Variants in TCERG1 observed in about 807,000 individuals in gnomAD.
TCERG1 encodes TATA box binding protein (TBP)-associated factor, RNA polymerase II, S, 150kD.
Under a neutral mutation model 144.7 loss-of-function variants are expected in TCERG1, and 37 were observed. That is an observed-to-expected ratio of 0.26 (90% CI 0.20 to 0.34). The LOEUF (loss-of-function observed/expected upper bound fraction) is 0.34. Among genes scored for constraint, TCERG1 ranks in the 10% least tolerant of loss-of-function variants. TCERG1 has a pLI of 1.00. For missense variants in TCERG1, 1,027 were observed against 1,380.7 expected (o/e 0.74, Z 4.06); for synonymous variants, 492 against 458.2 (o/e 1.07, Z -0.94).
At chr5:146,509,967 T>C (rs898634320) in intron 22 of TCERG1, 11 of 1,091,190 alleles carry the variant, frequency 1.0e-5, no homozygotes, top group African/African-American at 8.2e-5. Flanking sequence ...TTTTTAGATA[T>C]TTTGTCATTT....
intron 10 of TCERG1, 109 bp downstream of exon 10, chr5:146,478,762 AGCATTCG>A: frequency 1.1e-5 from 13 of 1,177,756 alleles, no homozygotes; most frequent in Middle Eastern, 2.9e-4. Context: ...GAATATAAGA[AGCATTCG>A]AAAAAAATAG....
chr5:146,474,382 G>A (rs1027675766), intron 9 of TCERG1, among the ~76,000 whole-genome samples: 1 of 152,182 alleles, frequency 6.6e-6, no homozygotes, highest in Non-Finnish European at 1.5e-5. Flanking sequence ...TGCTTCTTAT[G>A]TATGAGCAAA....
chr5:146,472,166 T>C (rs568153764), intron 9 of TCERG1, among the ~76,000 whole-genome samples: 1 of 152,358 alleles, frequency 6.6e-6, no homozygotes, highest in Non-Finnish European at 1.5e-5. Flanking sequence ...AAATTTGTTT[T>C]TGCATGTTTA....
intron 8 of TCERG1, among the ~76,000 whole-genome samples, 166 bp downstream of exon 8, chr5:146,470,914 T>G (rs555758429): frequency 1.3e-5 from 2 of 152,318 alleles, no homozygotes; most frequent in South Asian, 4.1e-4. Context: ...TTTGAAAGTG[T>G]CATTAAATTA....
rs767084557 is a variant in TCERG1 at position 146,498,662 on chromosome 5, A to C, written c.2409A>C (p.Glu803Asp). Residue 803 changes from glutamate to aspartate, a missense_variant, in exon 17 of 23, where the codon GAA becomes GAC. Physicochemically the swap from Glu to Asp is conservative, Grantham distance 45. Around this residue, in one of 6 missense-constraint regions of TCERG1, gnomAD observed 482 missense variants for 632.6 expected, o/e 0.76. Coordinates refer to ENST00000679501, the MANE Select transcript of TCERG1 (RefSeq NM_001382548.1). ...FVAAARKKEKEDSKTRGEKIK... is the reference protein window; with the variant it reads ...FVAAARKKEKDDSKTRGEKIK... ...CCGCTGCTAGGAAGAAAGAGAAAGA[A>C]GATTCGAAGACCAGAGGTGAGAAGG... The C allele has an allele frequency of 5.0e-6, 8 of 1,611,928 alleles. No individual in the cohort carries two copies. Among genetic ancestry groups the C allele is most frequent in the Middle Eastern group, 1.7e-4 (1 of 6,050 alleles).
chr5:146,463,740 T>C lies in TCERG1; in HGVS notation c.1082T>C (p.Val361Ala). 1 of 1,614,206 alleles carries C rather than the reference T, an allele frequency of 6.2e-7. No individual in the cohort carries two copies. Among genetic ancestry groups the C allele is most frequent in the South Asian group, 1.1e-5 (1 of 91,084 alleles). The change falls in exon 5 of 23, where the codon GTA (valine) becomes GCA (alanine). Residue 361 changes from valine (V) to alanine (A), a missense_variant. Physicochemically the swap from Val to Ala is moderately conservative, Grantham distance 64 (BLOSUM62 0). Transcript: ENST00000679501. ...PTTAIPAFPP[V>A]MVPPFRVPLP... ...ACAGCAATACCTGCTTTTCCACCAG[T>C]AATGGTACCTCCGTTTCGTGTTCCC...
chr5:146,491,868 A>C (rs569469823), intron 15 of TCERG1, among the ~76,000 whole-genome samples: 1 of 152,322 alleles, frequency 6.6e-6, no homozygotes, highest in East Asian at 1.9e-4. Context: ...GGGTATAAGC[A>C]TGGCTGTTCA....
chr5:146,463,029 C>T (rs1229828515), intron 4 of TCERG1, among the ~76,000 whole-genome samples: 1 of 152,140 alleles, frequency 6.6e-6, no homozygotes, highest in Non-Finnish European at 1.5e-5. Context: ...AGGGCATACT[C>T]CTTAGCCTTT....
At chr5:146,492,148 T>TA (rs1766487718) in intron 15 of TCERG1, among the ~76,000 whole-genome samples, 1 of 152,214 alleles carries the variant, frequency 6.6e-6, no homozygotes, top group South Asian at 2.1e-4. Context: ...ATCCTTAAAA[T>TA]ACTACTTATT....
At chr5:146,481,073 G>A in intron 12 of TCERG1, 77 bp from the exon 13 acceptor site, 1 of 655,108 alleles carries the variant, frequency 1.5e-6, no homozygotes, top group Non-Finnish European at 1.9e-6. Context: ...ATGTTCCTAC[G>A]ATGTTAAACT....
Position 146,503,448 on chromosome 5 carries a change from A to T in TCERG1, c.2507A>T (p.Asp836Val). ...DSQSRWSKVKDKVESDPRYKA... is the reference protein window; with the variant it reads ...DSQSRWSKVKVKVESDPRYKA... ...CAGTCTCGATGGAGCAAAGTAAAAG[A>T]CAAAGTAGAAAGTGATCCACGTTAC... Residue 836 changes from aspartate (D) to valine (V), a missense_variant, in exon 18 of 23, where the codon GAC becomes GTC. Coordinates refer to ENST00000679501, the MANE Select transcript of TCERG1 (RefSeq NM_001382548.1). 1 of 1,613,992 alleles carries T rather than the reference A, an allele frequency of 6.2e-7. No individual in the cohort carries two copies. Among genetic ancestry groups the T allele is most frequent in the Non-Finnish European group, 8.5e-7 (1 of 1,179,920 alleles).
chr5:146,468,478 A>G, intron 6 of TCERG1, 75 bp downstream of exon 6: 1 of 1,437,304 alleles, frequency 7.0e-7, no homozygotes. Context: ...TTATCCTTTT[A>G]TTTATTTTTT....
intron 18 of TCERG1, 131 bp from the exon 19 acceptor site, chr5:146,503,693 G>A (rs1460866106): frequency 7.5e-7 from 1 of 1,341,326 alleles, no homozygotes; most frequent in East Asian, 2.4e-5. Context: ...GGAGATGAGA[G>A]GTACACAGTG....
In TCERG1 at chr5:146,479,861, C is replaced by T. The variant is rs1475465392; in HGVS notation, c.1769C>T (p.Pro590Leu). The change falls in exon 11 of 23, where the codon CCA (proline) becomes CTA (leucine). Residue 590 changes from proline to leucine, a missense_variant. Pro to Leu is a moderately conservative substitution (Grantham distance 98). Coordinates refer to ENST00000679501, the MANE Select transcript of TCERG1 (RefSeq NM_001382548.1). ...GMEELKKLRH[P>L]TPTMLSIQKW... is the part of the protein sequence containing the mutation. Reference sequence around the variant, plus strand: ...TTTGAAATGTTTTTGCCAGGGCACCCAACTCCGACAATGCTGTCGATCCAA... The same window carrying T: ...TTTGAAATGTTTTTGCCAGGGCACCTAACTCCGACAATGCTGTCGATCCAA... The T allele has an allele frequency of 6.2e-7, 1 of 1,613,404 alleles. No homozygotes were observed. The highest frequency in any genetic ancestry group is 1.1e-5 in the South Asian group (1 of 91,028).
At chr5:146,464,954 T>C (rs1218915536) in intron 5 of TCERG1, among the ~76,000 whole-genome samples, 1 of 152,200 alleles carries the variant, frequency 6.6e-6, no homozygotes, top group Non-Finnish European at 1.5e-5. Context: ...GGTTTTTTTT[T>C]TAATTTGGAA....
chr5:146,501,439 A>G (rs1767439211), intron 17 of TCERG1, among the ~76,000 whole-genome samples: 2 of 152,266 alleles, frequency 1.3e-5, no homozygotes, highest in Non-Finnish European at 2.9e-5. Context: ...ACTTGTTTAT[A>G]CATCACACAT....
intron 2 of TCERG1, 99 bp downstream of exon 2, chr5:146,455,380 T>G: frequency 7.5e-7 from 1 of 1,331,148 alleles, no homozygotes; most frequent in Non-Finnish European, 1.0e-6. Flanking sequence ...AGTTTCAGTT[T>G]ATAGGAAAAT....
At chr5:146,485,819 C>T (rs1384190018) in intron 15 of TCERG1, among the ~76,000 whole-genome samples, 2 of 152,202 alleles carry the variant, frequency 1.3e-5, no homozygotes, top group South Asian at 4.1e-4. Context: ...CTTAGCCTCC[C>T]AAGTAGCTGG....
chr5:146,447,498 G>A lies in TCERG1; in HGVS notation c.59+90G>A, dbSNP rs1315441211. 18 of 1,500,366 alleles carry A rather than the reference G, an allele frequency of 1.2e-5. No homozygotes were observed. In the South Asian group the frequency reaches 1.2e-4, roughly 10 times the overall value. The allele number at this position is 1,500,366 out of a possible 1,614,324, so 92.9% of individuals were successfully genotyped here. ...TGCCATGTGGAGATCCGGGGCGGAC[G>A]GTGGGTAGCGGAGCCGGGCGGCCCG... On this transcript the variant is annotated intron_variant, in intron 1 of 22. Transcript: ENST00000679501.
Sources: gnomAD v4.1 joint callset for allele counts (sites outside exome capture counted in the v4.1 genomes callset) on GRCh38, gnomAD v4.1.1 for gene constraint, gnomAD v4.1.1 regional missense constraint, MANE v1.5 for transcripts, NCBI Gene and HGNC (gene_info 2026-07-23, HGNC 2026-07-21) for gene names.